The following PABPC4L variants were observed in gnomAD, a reference collection of about 807,000 sequenced individuals.
PABPC4L encodes the protein poly(A) binding protein cytoplasmic 4 like.
For synonymous variants in PABPC4L, 169 were observed against 164.1 expected, an observed-to-expected ratio of 1.03 and a Z score of -0.23; for missense variants, 452 against 451.4, an observed-to-expected ratio of 1.00 and a Z score of -0.01.
At chr4:133,951,236 T>C in the PABPC4L span, among the ~76,000 whole-genome samples, 4 of 152,202 alleles carry the variant, frequency 2.6e-5, no homozygotes, top group Non-Finnish European at 4.4e-5. Flanking sequence ...GGTCTAACTT[T>C]GGTTTGATAT....
the PABPC4L span, among the ~76,000 whole-genome samples, chr4:134,160,361 C>G: frequency 1.3e-5 from 2 of 152,154 alleles, no homozygotes; most frequent in Non-Finnish European, 1.5e-5. Context: ...CCAGGTAACC[C>G]CAGGCTATGT....
chr4:134,160,456 G>T, the PABPC4L span, among the ~76,000 whole-genome samples: 1 of 152,122 alleles, frequency 6.6e-6, no homozygotes, highest in Non-Finnish European at 1.5e-5. Context: ...ACAGGATTAA[G>T]TCAGAACACT....
At chr4:134,135,613 C>T in the PABPC4L span, among the ~76,000 whole-genome samples, 1 of 152,024 alleles carries the variant, frequency 6.6e-6, no homozygotes, top group Non-Finnish European at 1.5e-5. Context: ...GGGCAGATCA[C>T]CTGAGGTCGG....
the PABPC4L span, among the ~76,000 whole-genome samples, chr4:133,977,789 A>G: frequency 7.9e-5 from 12 of 152,352 alleles, no homozygotes; most frequent in African/African-American, 2.9e-4. Context: ...TGTAATCTCA[A>G]TAAATATTGC....
At chr4:134,100,073 C>T in the PABPC4L span, among the ~76,000 whole-genome samples, 5 of 151,626 alleles carry the variant, frequency 3.3e-5, no homozygotes, top group African/African-American at 1.2e-4. Context: ...GCATCAGCAG[C>T]GGCAAACTCG....
the PABPC4L span, among the ~76,000 whole-genome samples, chr4:134,100,703 G>A: frequency 1.3e-5 from 2 of 151,552 alleles, no homozygotes; most frequent in African/African-American, 4.8e-5. Context: ...CATCTCACTT[G>A]GTTGATCAAT....
chr4:133,990,044 C>T, the PABPC4L span, among the ~76,000 whole-genome samples: 1 of 152,110 alleles, frequency 6.6e-6, no homozygotes, highest in African/African-American at 2.4e-5. Flanking sequence ...TCAATTACCT[C>T]CCACCAGGTC....
At chr4:134,133,606 A>G in the PABPC4L span, among the ~76,000 whole-genome samples, 1,917 of 151,684 alleles carry the variant, frequency 0.013, 40 homozygotes, top group African/African-American at 0.041. Context: ...TCAACGTCGT[A>G]TGTTCTCACT....
chr4:134,017,108 C>G, the PABPC4L span, among the ~76,000 whole-genome samples: 25 of 152,180 alleles, frequency 1.6e-4, no homozygotes, highest in African/African-American at 5.5e-4. Flanking sequence ...GTCAAATCAG[C>G]CAAGCATTTT....
the PABPC4L span, among the ~76,000 whole-genome samples, chr4:134,103,941 T>C: frequency 6.6e-6 from 1 of 151,834 alleles, no homozygotes; most frequent in African/African-American, 2.4e-5. Flanking sequence ...CACATAATAC[T>C]GATGCCAGCT....
chr4:134,056,560 G>C, the PABPC4L span, among the ~76,000 whole-genome samples: 6 of 151,786 alleles, frequency 4.0e-5, no homozygotes, highest in African/African-American at 1.4e-4. Flanking sequence ...GTTCTGGTTA[G>C]AATTATACCT....
the PABPC4L span, among the ~76,000 whole-genome samples, chr4:134,081,709 G>T: frequency 6.6e-6 from 1 of 151,852 alleles, no homozygotes; most frequent in Non-Finnish European, 1.5e-5. Flanking sequence ...ACTCTCACCT[G>T]CTTGGTAGAA....
At chr4:134,177,426 G>A in the PABPC4L span, among the ~76,000 whole-genome samples, 2 of 151,956 alleles carry the variant, frequency 1.3e-5, no homozygotes, top group African/African-American at 4.8e-5. Flanking sequence ...CGCCCACCTC[G>A]GCCTCCAAAA....
At chr4:133,971,194 G>A in the PABPC4L span, among the ~76,000 whole-genome samples, 1 of 137,068 alleles carries the variant, frequency 7.3e-6, no homozygotes, top group Non-Finnish European at 1.5e-5. Flanking sequence ...CTCACTGCAA[G>A]CTCCGCCTCC....
At chr4:134,188,022 T>C in the PABPC4L span, among the ~76,000 whole-genome samples, 17 of 152,072 alleles carry the variant, frequency 1.1e-4, no homozygotes, top group Non-Finnish European at 2.2e-4. Flanking sequence ...CTAACTTTTA[T>C]AATTTTAACC....
At chr4:133,963,578 A>T in the PABPC4L span, among the ~76,000 whole-genome samples, 1 of 152,076 alleles carries the variant, frequency 6.6e-6, no homozygotes. Flanking sequence ...TCCAAGATAG[A>T]CCTTATGATA....
At chr4:134,074,696 G>A in the PABPC4L span, among the ~76,000 whole-genome samples, 3 of 152,250 alleles carry the variant, frequency 2.0e-5, no homozygotes, top group East Asian at 5.8e-4. Context: ...GGGCTTGTGA[G>A]GCCCCAGAAA....
the PABPC4L span, among the ~76,000 whole-genome samples, chr4:133,985,686 TA>T: frequency 6.6e-6 from 1 of 152,050 alleles, no homozygotes; most frequent in Non-Finnish European, 1.5e-5. Flanking sequence ...AGTTGTCAGG[TA>T]GTAAAATTGC....
At chr4:134,053,191 GA>G in the PABPC4L span, among the ~76,000 whole-genome samples, 1 of 152,044 alleles carries the variant, frequency 6.6e-6, no homozygotes, top group Admixed American at 6.6e-5. Context: ...AAGACACTAG[GA>G]AAAAAATAGA....
Sources: gnomAD v4.1 joint callset for allele counts (sites outside exome capture counted in the v4.1 genomes callset) on GRCh38, gnomAD v4.1.1 for gene constraint, MANE v1.5 for transcripts, NCBI Gene and HGNC (gene_info 2026-07-23, HGNC 2026-07-21) for gene names.